Variants in LRMDA observed in about 807,000 individuals in gnomAD.
LRMDA encodes leucine rich melanocyte differentiation associated.
LRMDA carries 18 observed loss-of-function variants against 29.8 expected under a neutral mutation model. The ratio of observed to expected loss-of-function variants is 0.60; its 90% CI spans 0.42 to 0.90. The LOEUF is 0.90. Ranked by LOEUF, LRMDA falls within the 40% of genes least tolerant of loss-of-function variation. LRMDA has a pLI of 0.00. For missense variants in LRMDA, 273 were observed against 273.9 expected (o/e 1.00, Z 0.02); for synonymous variants, 125 against 109.4 (o/e 1.14, Z -0.89).
intron 2 of LRMDA, among the ~76,000 whole-genome samples, chr10:75,553,429 G>A (rs1840176230): frequency 6.6e-6 from 1 of 152,162 alleles, no homozygotes; most frequent in African/African-American, 2.4e-5. Flanking sequence ...CAATGCTGTT[G>A]CCCCTCTTTG....
intron 6 of LRMDA, among the ~76,000 whole-genome samples, chr10:76,357,516 C>T (rs1841256716): frequency 6.6e-6 from 1 of 152,104 alleles, no homozygotes. Context: ...AAACTTCCTT[C>T]TAAGTTTTCC....
At chr10:75,852,793 GT>G (rs1020771393) in intron 2 of LRMDA, among the ~76,000 whole-genome samples, 15 of 152,146 alleles carry the variant, frequency 9.9e-5, no homozygotes, top group Non-Finnish European at 1.6e-4. Context: ...TATATGATGA[GT>G]GTTCAAAACT....
chr10:76,443,796 G>T (rs538095293), intron 6 of LRMDA, among the ~76,000 whole-genome samples: 123 of 152,244 alleles, frequency 8.1e-4, no homozygotes, highest in Non-Finnish European at 8.4e-4. Context: ...CAGAATATTT[G>T]AAATCTTTTG....
chr10:76,473,525 A>T (rs1842638621), intron 6 of LRMDA, among the ~76,000 whole-genome samples: 1 of 151,504 alleles, frequency 6.6e-6, no homozygotes, highest in Admixed American at 6.6e-5. Flanking sequence ...GAAATTAGAC[A>T]AGAAAACAAA....
At chr10:76,220,285 A>G (rs759103174) in intron 5 of LRMDA, among the ~76,000 whole-genome samples, 24 of 152,184 alleles carry the variant, frequency 1.6e-4, no homozygotes, top group South Asian at 4.2e-4. Flanking sequence ...AACTGAAGGA[A>G]ATAGAGACAC....
intron 2 of LRMDA, among the ~76,000 whole-genome samples, chr10:75,637,027 T>G (rs929519027): frequency 1.3e-5 from 2 of 152,238 alleles, no homozygotes; most frequent in African/African-American, 4.8e-5. Context: ...CATTTACTTT[T>G]CACATGTAGG....
rs149093267 is a variant in LRMDA at position 75,679,486 on chromosome 10, C to T, written c.131+240992C>T. Among the ~76,000 whole-genome samples the T allele has an allele frequency of 4.0e-4, 61 of 152,248 alleles. 1 individual carries two copies. In the East Asian group the frequency reaches 9.1e-3, roughly 23 times the overall value. ...GTAAGCCTAAACCAATGCTTGGTGA[C>T]ATTGTAAAAGTCATGAAGGTTCTCT... On this transcript the variant is annotated intron_variant, in intron 2 of 6. Coordinates refer to ENST00000611255, the MANE Select transcript of LRMDA (RefSeq NM_001305581.2).
chr10:75,650,039 T>C (rs997932609), intron 2 of LRMDA, among the ~76,000 whole-genome samples: 1 of 152,202 alleles, frequency 6.6e-6, no homozygotes, highest in African/African-American at 2.4e-5. Flanking sequence ...AGATATGTGA[T>C]TTGCAAATAT....
chr10:75,523,045 A>G (rs1589168427), intron 2 of LRMDA, among the ~76,000 whole-genome samples: 1 of 152,212 alleles, frequency 6.6e-6, no homozygotes, highest in African/African-American at 2.4e-5. Flanking sequence ...GCCTTGGACA[A>G]TCATTTCCCC....
At chr10:75,550,858 T>A (rs1589178993) in intron 2 of LRMDA, among the ~76,000 whole-genome samples, 1 of 152,122 alleles carries the variant, frequency 6.6e-6, no homozygotes, top group African/African-American at 2.4e-5. Context: ...GTGTACAGTA[T>A]ATATATTTAA....
intron 5 of LRMDA, among the ~76,000 whole-genome samples, chr10:76,082,030 A>G (rs1849057812): frequency 2.0e-5 from 3 of 152,182 alleles, no homozygotes; most frequent in Admixed American, 6.5e-5. Context: ...CTCTAACTAC[A>G]GTTGACTCTC....
At chr10:75,801,339 AGT>A (rs1413542379) in intron 2 of LRMDA, among the ~76,000 whole-genome samples, 2 of 152,216 alleles carry the variant, frequency 1.3e-5, no homozygotes, top group Non-Finnish European at 2.9e-5. Context: ...TTTTCAAGGC[AGT>A]GAGACTGAAG....
intron 2 of LRMDA, among the ~76,000 whole-genome samples, chr10:75,759,010 A>G (rs1254075625): frequency 2.6e-5 from 4 of 151,552 alleles, no homozygotes; most frequent in East Asian, 3.9e-4. Context: ...ATTTACACCT[A>G]TGGGTTTAGA....
chr10:75,616,437 A>G (rs1423809108), intron 2 of LRMDA, among the ~76,000 whole-genome samples: 2 of 152,324 alleles, frequency 1.3e-5, no homozygotes, highest in African/African-American at 4.8e-5. Flanking sequence ...CAATTAAAGG[A>G]AAAAATATTA....
chr10:75,841,518 G>A (rs189516650), intron 2 of LRMDA, among the ~76,000 whole-genome samples: 207 of 152,296 alleles, frequency 1.4e-3, no homozygotes, highest in Middle Eastern at 3.4e-3. Flanking sequence ...CAGGAAAGTG[G>A]AGTATATATG....
chr10:75,668,605 C>T (rs1028514213), intron 2 of LRMDA, among the ~76,000 whole-genome samples: 1 of 152,156 alleles, frequency 6.6e-6, no homozygotes, highest in Non-Finnish European at 1.5e-5. Context: ...CCCCAGAGCA[C>T]TGTCTCACAT....
intron 2 of LRMDA, among the ~76,000 whole-genome samples, chr10:75,464,854 G>T (rs1564777799): frequency 6.6e-6 from 1 of 152,136 alleles, no homozygotes; most frequent in Non-Finnish European, 1.5e-5. Context: ...TTTTATTTCA[G>T]CTGGAGCCAT....
At chr10:76,524,774 C>T (rs556348787) in intron 6 of LRMDA, among the ~76,000 whole-genome samples, 5 of 152,300 alleles carry the variant, frequency 3.3e-5, no homozygotes, top group African/African-American at 1.2e-4. Context: ...AAGGAAATTG[C>T]CAGTGGCAGT....
intron 2 of LRMDA, among the ~76,000 whole-genome samples, chr10:75,474,266 T>G (rs183824127): frequency 9.9e-5 from 15 of 152,224 alleles, no homozygotes; most frequent in African/African-American, 3.6e-4. Flanking sequence ...CAGCCTTGTT[T>G]GTGTATGTGT....
Sources: allele counts gnomAD v4.1 joint callset (sites outside exome capture counted in the v4.1 genomes callset), GRCh38; gene constraint gnomAD v4.1.1; transcripts MANE v1.5; gene names NCBI Gene and HGNC (gene_info 2026-07-23, HGNC 2026-07-21).